The following SERPINB8 variants were observed in gnomAD, a reference collection of about 807,000 sequenced individuals.
SERPINB8 encodes the protein serpin family B member 8.
SERPINB8 carries 25 observed loss-of-function variants against 35.3 expected under a neutral mutation model. The observed-to-expected ratio is 0.71, with a 90% CI of 0.52 to 0.99. SERPINB8 has a LOEUF of 0.99. SERPINB8 is among the 50% of genes least tolerant of loss of function. SERPINB8 has a pLI of 0.00. For synonymous variants in SERPINB8, 186 were observed against 160.8 expected, an observed-to-expected ratio of 1.16 and a Z score of -1.19; for missense variants, 484 against 446.5, an observed-to-expected ratio of 1.08 and a Z score of -0.76.
intron 1 of SERPINB8, among the ~76,000 whole-genome samples, chr18:64,003,165 T>A (rs115441713): frequency 1.3e-5 from 2 of 152,272 alleles, no homozygotes; most frequent in African/African-American, 4.8e-5. Flanking sequence ...TCCTAATTCT[T>A]TTATTCAGTT....
chr18:63,979,664 C>T, intron 2 of SERPINB8, 137 bp from the exon 3 acceptor site: 1 of 987,206 alleles, frequency 1.0e-6, no homozygotes, highest in Non-Finnish European at 1.5e-6. Context: ...TTGAGAAACC[C>T]TGTGCTAGAC....
intron 1 of SERPINB8, among the ~76,000 whole-genome samples, chr18:63,971,615 T>G (rs958855704): frequency 6.6e-6 from 1 of 152,220 alleles, no homozygotes; most frequent in East Asian, 1.9e-4. Flanking sequence ...ACTTCTCTAT[T>G]GCAGACAATC....
In SERPINB8 at chr18:63,970,148, G is replaced by GGCAGCA. The variant is rs1555711119; in HGVS notation, c.-19_-14dup. 15 of 358,686 alleles carry GGCAGCA rather than the reference G, an allele frequency of 4.2e-5. No homozygotes were observed. The highest frequency in any genetic ancestry group is 1.3e-4 in the South Asian group (6 of 46,572). 22.2% of individuals were successfully genotyped at this position (358,686 alleles called of 1,614,324 possible). A position where few individuals can be genotyped will look rare whatever the true frequency, so the allele number is the denominator to read the frequency against. On this transcript the variant is annotated 5_prime_UTR_variant, in exon 1 of 7. Transcript: ENST00000397985. ...AAGCAGCAGCGGCGGCGGCGGCGGC[G>GGCAGCA]GCAGCAGCAGCAGCAGCAGGAGGTG...
intron 6 of SERPINB8, chr18:63,986,520 C>G (rs2050757269): frequency 7.4e-7 from 1 of 1,349,522 alleles, no homozygotes; most frequent in Non-Finnish European, 9.5e-7. Flanking sequence ...ATCTCTCCCA[C>G]TCACAGTAGT....
At chr18:63,984,560 A>G (rs1242231840) in intron 5 of SERPINB8, among the ~76,000 whole-genome samples, 1 of 152,222 alleles carries the variant, frequency 6.6e-6, no homozygotes, top group Non-Finnish European at 1.5e-5. Context: ...ATATTGCACA[A>G]AGATATGAAA....
chr18:63,981,136 C>T (rs569300437), intron 3 of SERPINB8, among the ~76,000 whole-genome samples: 3 of 152,308 alleles, frequency 2.0e-5, no homozygotes, highest in South Asian at 2.1e-4. Flanking sequence ...CGCATGCACA[C>T]GTATGAACCC....
At chr18:63,973,629 A>G (rs1222639873) in intron 1 of SERPINB8, among the ~76,000 whole-genome samples, 2 of 152,196 alleles carry the variant, frequency 1.3e-5, no homozygotes, top group Admixed American at 1.3e-4. Flanking sequence ...TTTTAGGTCT[A>G]ACATTTAAGT....
At chr18:64,001,776 C>T (rs1457620552) in intron 1 of SERPINB8, among the ~76,000 whole-genome samples, 3 of 152,124 alleles carry the variant, frequency 2.0e-5, no homozygotes, top group Non-Finnish European at 4.4e-5. Flanking sequence ...CGTGAGCCAC[C>T]GCGCCCGACC....
downstream of SERPINB8, among the ~76,000 whole-genome samples, chr18:63,994,143 C>T (rs958727369): frequency 6.6e-6 from 1 of 152,058 alleles, no homozygotes; most frequent in Non-Finnish European, 1.5e-5. Context: ...TGAGACAATT[C>T]TCCCACCTCT....
intron 3 of SERPINB8, 21 bp downstream of exon 3, chr18:63,979,959 G>C: frequency 6.2e-7 from 1 of 1,611,800 alleles, no homozygotes; most frequent in Non-Finnish European, 8.5e-7. Flanking sequence ...TTCACATATT[G>C]ATGACAAAGA....
At chr18:63,973,046 G>T (rs2050517525) in intron 1 of SERPINB8, among the ~76,000 whole-genome samples, 1 of 152,180 alleles carries the variant, frequency 6.6e-6, no homozygotes. Flanking sequence ...TCTAGTTCTA[G>T]ATCCTTGAGG....
chr18:63,978,230 G>C (rs1229729553), intron 1 of SERPINB8, 69 bp from the exon 2 acceptor site: 1 of 1,547,402 alleles, frequency 6.5e-7, no homozygotes, highest in Non-Finnish European at 8.9e-7. Flanking sequence ...ACTGACTGGG[G>C]GATGAATGAC....
At chr18:63,972,821 A>G (rs2050510475) in intron 1 of SERPINB8, among the ~76,000 whole-genome samples, 2 of 152,046 alleles carry the variant, frequency 1.3e-5, no homozygotes, top group South Asian at 4.1e-4. Context: ...ACATGAACTC[A>G]TCGTTTTTTT....
At chr18:63,991,670 CT>C (rs34105602), downstream of SERPINB8, among the ~76,000 whole-genome samples, 61,880 of 148,864 alleles carry the variant, frequency 0.42, 14,171 homozygotes, top group African/African-American at 0.64. Context: ...ATTTAGATAG[CT>C]TTTTTTTTTT....
chr18:63,997,209 G>C (rs1240189583), intron 1 of SERPINB8, among the ~76,000 whole-genome samples: 2 of 152,240 alleles, frequency 1.3e-5, no homozygotes, highest in East Asian at 1.9e-4. Flanking sequence ...ATTGGGCCTA[G>C]GTAGATATGC....
At chr18:63,994,690 T>TG (rs1231175543) in intron 1 of SERPINB8, among the ~76,000 whole-genome samples, 5 of 152,160 alleles carry the variant, frequency 3.3e-5, no homozygotes, top group African/African-American at 1.2e-4. Context: ...AAAACACTTC[T>TG]GGATGCCCTT....
rs1555659853 is a variant in SERPINB8 at position 64,012,571 on chromosome 18, ATGTG to A, written c.*3-6322_*3-6319del. On this transcript the variant is annotated intron_variant, in intron 7 of 7. Coordinates refer to the SERPINB8 transcript ENST00000636430. ...ATTCCTTTTTAATATCTGTGTATGT[ATGTG>A]TGTGTGTGTGTGTGTGCGTGTGTGT... Among the ~76,000 whole-genome samples, 781 of 90,212 alleles carry A rather than the reference ATGTG, an allele frequency of 8.7e-3. 6 individuals are homozygous for A. Among genetic ancestry groups the A allele is most frequent in the African/African-American group, 0.025 (716 of 28,282 alleles). The allele number at this position is 90,212 out of a possible 152,430, so 59.2% of individuals were successfully genotyped here. A position where few individuals can be genotyped will look rare whatever the true frequency, so the allele number is the denominator to read the frequency against.
chr18:64,001,031 T>C (rs1026247869), intron 1 of SERPINB8, among the ~76,000 whole-genome samples: 33 of 152,374 alleles, frequency 2.2e-4, no homozygotes, highest in Admixed American at 5.9e-4. Context: ...TCTCCAGTAA[T>C]ATTCTCCACT....
intron 7 of SERPINB8, among the ~76,000 whole-genome samples, chr18:64,018,549 A>T (rs1230785494): frequency 6.6e-6 from 1 of 151,640 alleles, no homozygotes; most frequent in African/African-American, 2.4e-5. Flanking sequence ...AGCTAAAGAC[A>T]TTGTGTTTAG....
Sources: allele counts gnomAD v4.1 joint callset (sites outside exome capture counted in the v4.1 genomes callset), GRCh38; gene constraint gnomAD v4.1.1; transcripts MANE v1.5; gene names NCBI Gene and HGNC (gene_info 2026-07-23, HGNC 2026-07-21).